The following CLMP variants were observed in gnomAD, a reference collection of about 807,000 sequenced individuals.
The protein encoded by CLMP is CXADR-like membrane protein.
In CLMP, 27 loss-of-function variants were observed where a neutral mutation model predicts 45.2. The ratio of observed to expected loss-of-function variants is 0.60; its 90% CI spans 0.44 to 0.82. The LOEUF (loss-of-function observed/expected upper bound fraction) is 0.82. Ranked by LOEUF, CLMP falls within the 40% of genes least tolerant of loss-of-function variation. The probability of loss-of-function intolerance (pLI) is 0.00; values close to 1 mark genes in which losing one functional copy is unlikely to be tolerated. For missense variants in CLMP, 403 were observed against 448.4 expected (o/e 0.90, Z 0.91); for synonymous variants, 167 against 171.4 (o/e 0.97, Z 0.20).
chr11:123,134,971 C>A (rs1405910771), intron 1 of CLMP, among the ~76,000 whole-genome samples: 1 of 151,824 alleles, frequency 6.6e-6, no homozygotes, highest in Non-Finnish European at 1.5e-5. Flanking sequence ...TCAAGAACAA[C>A]AAAATAGGCC....
At chr11:123,181,526 A>G (rs964013282) in intron 1 of CLMP, among the ~76,000 whole-genome samples, 33 of 152,140 alleles carry the variant, frequency 2.2e-4, no homozygotes, top group African/African-American at 7.7e-4. Context: ...TCTACCAAAC[A>G]TTTTGGCAAT....
chr11:123,123,164 C>T (rs1319083298), intron 1 of CLMP, among the ~76,000 whole-genome samples: 1 of 151,758 alleles, frequency 6.6e-6, no homozygotes, highest in African/African-American at 2.4e-5. Flanking sequence ...CTGGGCGTAT[C>T]ATATTGCCCA....
At chr11:123,099,010 G>A (rs1866023611) in intron 1 of CLMP, among the ~76,000 whole-genome samples, 1 of 151,994 alleles carries the variant, frequency 6.6e-6, no homozygotes, top group African/African-American at 2.4e-5. Flanking sequence ...CTAATTTTTT[G>A]TAGAGACAGG....
At chr11:123,171,028 A>T (rs1205581853) in intron 1 of CLMP, among the ~76,000 whole-genome samples, 1 of 152,246 alleles carries the variant, frequency 6.6e-6, no homozygotes, top group Non-Finnish European at 1.5e-5. Flanking sequence ...GGGTATGAGC[A>T]AGGTCTCTGG....
Position 123,083,360 on chromosome 11 carries a change from G to T in CLMP, c.557-153C>A, listed in dbSNP as rs114443833. On this transcript the variant is annotated intron_variant, in intron 4 of 6. Transcript: ENST00000448775. ...TATCCTTTGGGAACATGAGAAGAAA[G>T]GTAAACATTTTTTTTAAGTTGTAGC... 7.6e-4 allele frequency among the ~76,000 whole-genome samples: 115 copies of T among 152,178 alleles called. 1 individual carries two copies. Among genetic ancestry groups the T allele is most frequent in the African/African-American group, 2.4e-3 (101 of 41,512 alleles).
intron 1 of CLMP, among the ~76,000 whole-genome samples, chr11:123,134,734 G>A (rs1391684959): frequency 2.0e-5 from 3 of 151,992 alleles, no homozygotes; most frequent in Non-Finnish European, 4.4e-5. Flanking sequence ...CTTGAACCCA[G>A]GAGGTGGAGG....
chr11:123,160,348 A>G (rs1457185743), intron 1 of CLMP, among the ~76,000 whole-genome samples: 1 of 151,754 alleles, frequency 6.6e-6, no homozygotes, highest in Non-Finnish European at 1.5e-5. Flanking sequence ...TATACCCTGA[A>G]CTTTTTCCTG....
At chr11:123,166,284 C>T (rs76294729) in intron 1 of CLMP, among the ~76,000 whole-genome samples, 11,326 of 152,078 alleles carry the variant, frequency 0.074, 478 homozygotes, top group Middle Eastern at 0.14. Flanking sequence ...CTTCTCCAGC[C>T]TTATCTCTTT....
chr11:123,191,352 C>T (rs1469862975), intron 1 of CLMP: 1 of 152,126 alleles, frequency 6.6e-6, no homozygotes, highest in Non-Finnish European at 1.5e-5. Context: ...TGACCATCAC[C>T]ATTAAAGTGG....
intron 1 of CLMP, among the ~76,000 whole-genome samples, chr11:123,161,054 G>T (rs898403934): frequency 6.6e-6 from 1 of 151,736 alleles, no homozygotes; most frequent in African/African-American, 2.4e-5. Flanking sequence ...AGATTTCCTT[G>T]GCCTTCCTTT....
chr11:123,119,038 T>C (rs866688940), intron 1 of CLMP, among the ~76,000 whole-genome samples: 11 of 49,592 alleles, frequency 2.2e-4, no homozygotes, highest in Non-Finnish European at 3.4e-4. Context: ...TCTCTCTCTC[T>C]CTCTCTCCCT....
chr11:123,143,420 T>C (rs768959851), intron 1 of CLMP, among the ~76,000 whole-genome samples: 59 of 151,998 alleles, frequency 3.9e-4, no homozygotes, highest in Non-Finnish European at 7.4e-4. Context: ...GTCAATTCCA[T>C]GATTATGTTA....
At chr11:123,187,644 T>C (rs889823938) in intron 1 of CLMP, among the ~76,000 whole-genome samples, 3 of 152,222 alleles carry the variant, frequency 2.0e-5, no homozygotes, top group Middle Eastern at 3.2e-3. Context: ...ATGGCCATTC[T>C]TAATTAAGAG....
rs370608003 is a variant in CLMP at position 123,194,919 on chromosome 11, AGAG to A, written c.19_21del (p.Leu9del). The stretch of plus-strand genomic sequence containing the variant: ...CCCTCCCAGAGGCACTCACCTAGCA[AGAG>A]GAGAAGGAGGAGGGACATCCCGATC... On this transcript the variant is annotated inframe_deletion, in exon 1 of 7. Transcript: ENST00000448775. 87 of 1,613,450 alleles carry A rather than the reference AGAG, an allele frequency of 5.4e-5. 2 individuals carry two copies. In the African/African-American group the frequency reaches 6.7e-4, roughly 12 times the overall value.
At chr11:123,161,309 T>C (rs1861484241) in intron 1 of CLMP, among the ~76,000 whole-genome samples, 1 of 152,166 alleles carries the variant, frequency 6.6e-6, no homozygotes, top group African/African-American at 2.4e-5. Flanking sequence ...ATCAAGCCCT[T>C]ACCATGCACT....
chr11:123,109,831 A>C, intron 1 of CLMP, among the ~76,000 whole-genome samples: 1 of 152,202 alleles, frequency 6.6e-6, no homozygotes, highest in Admixed American at 6.5e-5. Context: ...TATACTAGCC[A>C]ACCTAGCATA....
chr11:123,085,899 C>CAGTAG (rs1279231530), intron 2 of CLMP, among the ~76,000 whole-genome samples: 1 of 151,648 alleles, frequency 6.6e-6, no homozygotes, highest in Non-Finnish European at 1.5e-5. Flanking sequence ...GCCTCAGTCT[C>CAGTAG]CTGAGTAGCT....
chr11:123,181,481 T>A (rs1480213037), intron 1 of CLMP, among the ~76,000 whole-genome samples: 1 of 152,228 alleles, frequency 6.6e-6, no homozygotes, highest in Non-Finnish European at 1.5e-5. Context: ...TCTCCCTTAC[T>A]ATCTTTTCCC....
chr11:123,094,841 A>G (rs888484763), intron 2 of CLMP, among the ~76,000 whole-genome samples: 1 of 151,934 alleles, frequency 6.6e-6, no homozygotes, highest in Non-Finnish European at 1.5e-5. Flanking sequence ...TCACTGTGTC[A>G]CCCAGGCTGG....
Sources: gnomAD v4.1 joint callset for allele counts (sites outside exome capture counted in the v4.1 genomes callset) on GRCh38, gnomAD v4.1.1 for gene constraint, MANE v1.5 for transcripts, NCBI Gene and HGNC (gene_info 2026-07-23, HGNC 2026-07-21) for gene names.